Variants in MEP1A observed in about 807,000 individuals in gnomAD.
MEP1A encodes N-benzoyl-L-tyrosyl-P-amino-benzoic acid hydrolase subunit alpha.
In MEP1A, 68 loss-of-function variants were observed where a neutral mutation model predicts 84.5. That is an observed-to-expected ratio of 0.80 (90% CI 0.66 to 0.98). The LOEUF (loss-of-function observed/expected upper bound fraction) is 0.98, where lower values mean the gene tolerates loss of function less well. Among genes scored for constraint, MEP1A ranks in the 50% least tolerant of loss-of-function variants. MEP1A has a pLI of 0.00. For missense variants in MEP1A, 887 were observed against 919.9 expected (o/e 0.96, Z 0.46); for synonymous variants, 337 against 336.8 (o/e 1.00, Z -0.01).
intron 7 of MEP1A, among the ~76,000 whole-genome samples, chr6:46,824,952 TAA>T (rs1767888908): frequency 8.0e-6 from 1 of 125,036 alleles, no homozygotes; most frequent in Non-Finnish European, 1.7e-5. Flanking sequence ...ATTATATATT[TAA>T]ATAGATCTAT....
In MEP1A at chr6:46,807,553, AAAGAAAGAAAGAAAGGAAGGAAGG is replaced by A. The variant is rs1767361918; in HGVS notation, c.263-1863_263-1840del. ...GAAAGAAAGAAAGAAAGAAAGAAAG[AAAGAAAGAAAGAAAGGAAGGAAGG>A]AAGGAAGGAAGGAAGGAAGGAAGGA... On this transcript the variant is annotated intron_variant, in intron 5 of 13. Transcript: ENST00000230588. 9.5e-5 allele frequency among the ~76,000 whole-genome samples: 6 copies of A among 63,324 alleles called. No homozygotes were observed. In the East Asian group the frequency reaches 9.7e-4, roughly 10 times the overall value. 41.5% of individuals were successfully genotyped at this position (63,324 alleles called of 152,430 possible).
chr6:46,808,867 G>A (rs945841469), intron 5 of MEP1A, among the ~76,000 whole-genome samples: 1 of 152,050 alleles, frequency 6.6e-6, no homozygotes, highest in South Asian at 2.1e-4. Flanking sequence ...GTAAAATACC[G>A]TATGTGCTTC....
At chr6:46,808,973 C>T (rs1377301407) in intron 5 of MEP1A, among the ~76,000 whole-genome samples, 2 of 151,990 alleles carry the variant, frequency 1.3e-5, no homozygotes, top group Non-Finnish European at 2.9e-5. Context: ...ACACTATTCT[C>T]ACTGCCTCAC....
At chr6:46,845,331 A>C in the MEP1A span, among the ~76,000 whole-genome samples, 2 of 152,206 alleles carry the variant, frequency 1.3e-5, no homozygotes, top group African/African-American at 4.8e-5. Flanking sequence ...GAGAGCTGCC[A>C]AATGGGGCCA....
Position 46,803,051 on chromosome 6 carries a change from T to C in MEP1A, c.262+3870T>C, listed in dbSNP as rs945492964. 2.6e-5 allele frequency among the ~76,000 whole-genome samples: 4 copies of C among 151,628 alleles called. No homozygotes were observed. In the East Asian group the frequency reaches 7.7e-4, roughly 29 times the overall value. On this transcript the variant is annotated intron_variant, in intron 5 of 13. Coordinates refer to ENST00000230588, the MANE Select transcript of MEP1A (RefSeq NM_005588.3). ...AAAACCATCTTGAAAATTTTTCCTC[T>C]TCTTTTATCTTTTGAATAAGTTTGT...
At chr6:46,801,050 T>C (rs1767189094) in intron 5 of MEP1A, among the ~76,000 whole-genome samples, 1 of 152,196 alleles carries the variant, frequency 6.6e-6, no homozygotes, top group Admixed American at 6.5e-5. Flanking sequence ...TAAATTACTG[T>C]CCATTTTTCT....
chr6:46,831,415 C>T (rs1768072312), intron 10 of MEP1A, among the ~76,000 whole-genome samples: 1 of 152,160 alleles, frequency 6.6e-6, no homozygotes, highest in African/African-American at 2.4e-5. Context: ...TGCACACACA[C>T]ACGTTTTTAC....
chr6:46,817,221 G>A (rs538087555), intron 6 of MEP1A, among the ~76,000 whole-genome samples: 3 of 152,290 alleles, frequency 2.0e-5, no homozygotes, highest in African/African-American at 7.2e-5. Context: ...GGAGTCAAAA[G>A]TATCTGAGAT....
At chr6:46,832,089 A>G (rs1022710231) in intron 10 of MEP1A, among the ~76,000 whole-genome samples, 1 of 152,214 alleles carries the variant, frequency 6.6e-6, no homozygotes, top group African/African-American at 2.4e-5. Context: ...CAGGGAAAGT[A>G]TAGTTCTATA....
downstream of MEP1A, among the ~76,000 whole-genome samples, chr6:46,840,798 T>C (rs1037761159): frequency 6.6e-6 from 1 of 152,216 alleles, no homozygotes; most frequent in African/African-American, 2.4e-5. Flanking sequence ...ATGTTCAGAC[T>C]AGATAGGAAG....
intron 8 of MEP1A, 107 bp downstream of exon 8, chr6:46,825,600 C>A: frequency 1.3e-6 from 1 of 776,208 alleles, no homozygotes. Flanking sequence ...AATGTACTAG[C>A]TAAAAGAATA....
chr6:46,794,107 T>G (rs914839460), intron 3 of MEP1A, among the ~76,000 whole-genome samples: 5 of 152,244 alleles, frequency 3.3e-5, no homozygotes, highest in African/African-American at 4.8e-5. Flanking sequence ...TGGCCCATCA[T>G]ATTCACTAAC....
chr6:46,835,288 G>A lies in MEP1A; in HGVS notation c.1823G>A (p.Gly608Asp), dbSNP rs776867095. ...HLSQTEVPTK[G>D]KRLSPQGLIL... ...AGCCAGACTGAAGTTCCCACTAAAG[G>A]CAAAAGACTGAGCCCCCAAGGCCTC... Residue 608 changes from glycine to aspartate, a missense_variant, in exon 13 of 14, where the codon GGC becomes GAC. By Grantham distance (94) the Gly-to-Asp change is moderately conservative. Coordinates refer to ENST00000230588, the MANE Select transcript of MEP1A (RefSeq NM_005588.3). The A allele has an allele frequency of 6.2e-7, 1 of 1,604,068 alleles. No individual in the cohort carries two copies. The highest frequency in any genetic ancestry group is 1.1e-5 in the South Asian group (1 of 89,118).
rs768735801 is a variant in MEP1A at position 46,826,487 on chromosome 6, GT to G, written c.914del (p.Leu305TrpfsTer46). The G allele has an allele frequency of 6.3e-7, 1 of 1,590,176 alleles. No homozygotes were observed. Among genetic ancestry groups the G allele is most frequent in the East Asian group, 2.3e-5 (1 of 44,208 alleles). ...AGGCTGGAGAAGTGGATCACACCTTGTTGGGACAATGCACAGGTCAGTGAAA... is the reference window on the plus strand; with the variant it reads ...AGGCTGGAGAAGTGGATCACACCTTGTGGGACAATGCACAGGTCAGTGAAA... ...AQAGEVDHTL[L>X]GQCTGAGYFM... On this transcript the variant is annotated frameshift_variant, in exon 9 of 14. Transcript: ENST00000230588. LOFTEE classifies it high-confidence loss of function.
At position 46,825,399 on chromosome 6, in the gene MEP1A, C is replaced by T; in HGVS notation, c.684C>T (p.Ile228=). The change falls in exon 8 of 14, where the codon ATC becomes ATT. Residue 228 remains isoleucine (I), a synonymous_variant. Transcript: ENST00000230588. ...SFNKNASVPT[I]TAKIPEFNSI... ...ACAAGAATGCAAGTGTTCCCACCAT[C>T]ACAGCCAAGATCCCTGAGTTTAACT... 1 of 1,613,778 alleles carries T rather than the reference C, an allele frequency of 6.2e-7. No individual in the cohort carries two copies.
At position 46,809,502 on chromosome 6, in the gene MEP1A, A is replaced by G. The variant is rs1257065293; in HGVS notation, c.345A>G (p.Gly115=). 1.2e-6 allele frequency: 2 copies of G among 1,609,352 alleles called. No homozygotes were observed. Among genetic ancestry groups the G allele is most frequent in the Non-Finnish European group, 8.5e-7 (1 of 1,177,128 alleles). Residue 115 remains glycine (G), a synonymous_variant, in exon 6 of 14, where the codon GGA becomes GGG. Coordinates refer to ENST00000230588, the MANE Select transcript of MEP1A (RefSeq NM_005588.3). ...GTGTGGATTTCAAGCCCTATGAAGG[A>G]GAGAGCTCATATATCATATTTCAAC... is the stretch of plus-strand genomic sequence containing the variant. The part of the protein sequence containing the change: ...KSCVDFKPYE[G]ESSYIIFQQF...
chr6:46,816,237 A>T (rs1236528706), intron 6 of MEP1A, among the ~76,000 whole-genome samples: 2 of 152,080 alleles, frequency 1.3e-5, no homozygotes, highest in East Asian at 3.9e-4. Context: ...CATTACAGGC[A>T]TGAGCCACCG....
At chr6:46,798,896 G>T (rs186309022) in intron 4 of MEP1A, among the ~76,000 whole-genome samples, 6 of 152,288 alleles carry the variant, frequency 3.9e-5, no homozygotes, top group African/African-American at 1.2e-4. Context: ...GGGATTGCAG[G>T]CCCCCTTTAT....
downstream of MEP1A, among the ~76,000 whole-genome samples, chr6:46,840,809 C>A (rs546322852): frequency 6.6e-6 from 1 of 152,286 alleles, no homozygotes; most frequent in Admixed American, 6.5e-5. Context: ...AGATAGGAAG[C>A]TATCCTGTCA....
Sources: allele counts gnomAD v4.1 joint callset (sites outside exome capture counted in the v4.1 genomes callset), GRCh38; gene constraint gnomAD v4.1.1; transcripts MANE v1.5; gene names NCBI Gene and HGNC (gene_info 2026-07-23, HGNC 2026-07-21).